SCRG1: variants seen among roughly 807,000 people sequenced by gnomAD.
SCRG1 encodes stimulator of chondrogenesis 1.
Under a neutral mutation model 7.7 loss-of-function variants are expected in SCRG1, and 3 were observed. The observed-to-expected ratio is 0.39, with a 90% CI of 0.18 to 1.01. The LOEUF is 1.01. SCRG1 is among the 50% of genes least tolerant of loss of function. SCRG1 has a pLI of 0.36. For synonymous variants in SCRG1, 46 were observed against 41.2 expected (o/e 1.12, Z -0.44); for missense variants, 110 against 117.2 (o/e 0.94, Z 0.28).
At chr4:173,467,718 A>G in the SCRG1 span, 2 of 152,186 alleles carry the variant, frequency 1.3e-5, no homozygotes, top group East Asian at 1.9e-4. Context: ...ATCTCATTTC[A>G]TCTGAATTAT....
the SCRG1 span, among the ~76,000 whole-genome samples, chr4:173,437,620 C>A: frequency 3.2e-3 from 494 of 152,242 alleles, 3 homozygotes; most frequent in African/African-American, 0.011. Flanking sequence ...TAGGGTCATA[C>A]ATTAGCTGAA....
chr4:173,490,786 C>G, the SCRG1 span, among the ~76,000 whole-genome samples: 7 of 152,176 alleles, frequency 4.6e-5, no homozygotes, highest in Non-Finnish European at 8.8e-5. Flanking sequence ...TAATACAGTT[C>G]TACTGTAACT....
At chr4:173,508,033 G>C in the SCRG1 span, among the ~76,000 whole-genome samples, 7 of 152,162 alleles carry the variant, frequency 4.6e-5, no homozygotes, top group African/African-American at 1.7e-4. This position sits in a 1 kb window ranked among gnomAD's most constrained non-coding sequence, Gnocchi z 4.4. Flanking sequence ...GGTGAGATGG[G>C]TGGAGGGTGC....
At chr4:173,509,010 A>G in the SCRG1 span, among the ~76,000 whole-genome samples, 12 of 152,132 alleles carry the variant, frequency 7.9e-5, no homozygotes, top group African/African-American at 2.9e-4. The surrounding 1 kb of genome is among the most constrained non-coding windows in gnomAD (Gnocchi z 5.7). Flanking sequence ...ACTGCATCCG[A>G]GCAGCCGGGT....
the SCRG1 span, among the ~76,000 whole-genome samples, chr4:173,470,639 A>G: frequency 2.6e-5 from 4 of 152,338 alleles, no homozygotes; most frequent in Admixed American, 1.3e-4. Context: ...GACCCTTTTA[A>G]TATAGTTCAA....
At chr4:173,477,728 TTCCTTCCTTCCTTCCTTCC>T in the SCRG1 span, among the ~76,000 whole-genome samples, 1 of 105,626 alleles carries the variant, frequency 9.5e-6, no homozygotes, top group Non-Finnish European at 2.3e-5. Flanking sequence ...CCTTCCTTCC[TTCCTTCCTTCCTTCCTTCC>T]TTCCTTCCTT....
chr4:173,429,456 C>A, the SCRG1 span, among the ~76,000 whole-genome samples: 14 of 152,176 alleles, frequency 9.2e-5, no homozygotes, highest in African/African-American at 3.4e-4. Context: ...CCATGCCTGG[C>A]TAATTTTATT....
chr4:173,488,741 C>T, the SCRG1 span, among the ~76,000 whole-genome samples: 1 of 152,042 alleles, frequency 6.6e-6, no homozygotes, highest in Admixed American at 6.5e-5. Context: ...TCTGACAAAC[C>T]CTCTCAGTGG....
rs1215122671 is a variant in SCRG1 at position 173,387,067 on chromosome 4, T to C, written c.*1274A>G. 1 of 152,258 alleles carries C rather than the reference T, an allele frequency of 6.6e-6. No individual in the cohort carries two copies. Among genetic ancestry groups the C allele is most frequent in the South Asian group, 2.1e-4 (1 of 4,834 alleles). The allele number at this position is 152,258 out of a possible 1,614,324, so 9.4% of individuals were successfully genotyped here. A position where few individuals can be genotyped will look rare whatever the true frequency, so the allele number is the denominator to read the frequency against. ...TTCCCTGTTTTATTTACTTTTAAAATGTATGATACTTTTAAATTCTCATCC... is the reference window on the plus strand; with the variant it reads ...TTCCCTGTTTTATTTACTTTTAAAACGTATGATACTTTTAAATTCTCATCC... On this transcript the variant is annotated 3_prime_UTR_variant, in exon 3 of 3. Coordinates refer to ENST00000296506, the MANE Select transcript of SCRG1 (RefSeq NM_007281.4).
upstream of SCRG1, among the ~76,000 whole-genome samples, chr4:173,411,328 G>A (rs1740028619): frequency 1.3e-5 from 2 of 152,236 alleles, no homozygotes; most frequent in South Asian, 4.1e-4. Context: ...CAGGAAGTAT[G>A]AGAACAGTGA....
chr4:173,404,256 AC>A (rs1276525666), intron 2 of SCRG1: 1 of 152,200 alleles, frequency 6.6e-6, no homozygotes, highest in African/African-American at 2.4e-5. Flanking sequence ...AAACAACAGT[AC>A]CTTTTTAAAA....
At chr4:173,478,354 C>T in the SCRG1 span, among the ~76,000 whole-genome samples, 2 of 152,020 alleles carry the variant, frequency 1.3e-5, no homozygotes, top group African/African-American at 4.8e-5. Context: ...CCTTAGGCAA[C>T]TAACCTCTTG....
the SCRG1 span, among the ~76,000 whole-genome samples, chr4:173,481,638 C>T: frequency 6.6e-6 from 1 of 152,132 alleles, no homozygotes; most frequent in Non-Finnish European, 1.5e-5. Context: ...ACCAACCCCT[C>T]TTCCTGCTCA....
chr4:173,424,333 G>C, the SCRG1 span, among the ~76,000 whole-genome samples: 1 of 152,084 alleles, frequency 6.6e-6, no homozygotes, highest in Non-Finnish European at 1.5e-5. Context: ...TTCTCAAAAT[G>C]GCAAAACTAT....
At chr4:173,476,862 A>G in the SCRG1 span, among the ~76,000 whole-genome samples, 1 of 152,136 alleles carries the variant, frequency 6.6e-6, no homozygotes, top group African/African-American at 2.4e-5. Flanking sequence ...AGAAGCCAGT[A>G]TTACATTCCT....
chr4:173,411,358 A>G (rs554133625), upstream of SCRG1, among the ~76,000 whole-genome samples: 5 of 152,352 alleles, frequency 3.3e-5, no homozygotes, highest in East Asian at 9.6e-4. Context: ...ACTACTAACT[A>G]GGTTTGGTGG....
the SCRG1 span, among the ~76,000 whole-genome samples, chr4:173,496,317 G>A: frequency 1.3e-5 from 2 of 151,490 alleles, no homozygotes; most frequent in South Asian, 2.1e-4. Flanking sequence ...AAGGTAGGGG[G>A]TTCTTTGAAA....
At chr4:173,477,796 T>A in the SCRG1 span, among the ~76,000 whole-genome samples, 1 of 149,296 alleles carries the variant, frequency 6.7e-6, no homozygotes, top group East Asian at 2.0e-4. Context: ...CGAGACAGGA[T>A]CTCATTCTGT....
rs1419173460 is a variant in SCRG1 at position 173,387,730 on chromosome 4, C to G, written c.*611G>C. The stretch of plus-strand genomic sequence containing the variant: ...CTTTTTTTTTTTTTTTTTTTTTTTT[C>G]GAGACAGGGTCTTGCTCTGTCACCC... On this transcript the variant is annotated 3_prime_UTR_variant, in exon 3 of 3. Coordinates refer to ENST00000296506, the MANE Select transcript of SCRG1 (RefSeq NM_007281.4). The G allele has an allele frequency of 7.3e-5, 3 of 40,832 alleles. No individual in the cohort carries two copies. The highest frequency in any genetic ancestry group is 6.3e-4 in the Admixed American group (2 of 3,168). The allele number at this position is 40,832 out of a possible 1,614,324, so 2.5% of individuals were successfully genotyped here.
Sources: gnomAD v4.1 joint callset for allele counts (sites outside exome capture counted in the v4.1 genomes callset) on GRCh38, gnomAD v4.1.1 for gene constraint, Gnocchi (gnomAD v3.1) non-coding constraint, MANE v1.5 for transcripts, NCBI Gene and HGNC (gene_info 2026-07-23, HGNC 2026-07-21) for gene names.